The following CLCN5 variants were observed in gnomAD, a reference collection of about 807,000 sequenced individuals.
The protein encoded by CLCN5 is Cl-/H+ antiporter 5.
CLCN5 carries 17 observed loss-of-function variants against 54.0 expected under a neutral mutation model. The observed-to-expected ratio is 0.31, with a 90% CI of 0.22 to 0.47. The LOEUF is 0.47. CLCN5 is among the 20% of genes least tolerant of loss of function. The pLI, the probability that CLCN5 is intolerant of heterozygous loss-of-function variation, is 1.00. For missense variants in CLCN5, 448 were observed against 646.7 expected (o/e 0.69, Z 3.33); for synonymous variants, 222 against 233.0 (o/e 0.95, Z 0.43).
At chrX:50,080,420 G>A (rs1182486285) in intron 7 of CLCN5, among the ~76,000 whole-genome samples, 174 bp from the exon 8 acceptor site, 1 of 108,528 alleles carries the variant, frequency 9.2e-6, no homozygotes, top group Non-Finnish European at 1.9e-5. Context: ...GTACTAAGTG[G>A]CCTGACAGTG....
Position 50,069,784 on chromosome X carries a change from G to A in CLCN5, c.164-95G>A, listed in dbSNP as rs1389208729. ...TTATCAACCCCAACTGTAGTCATCT[G>A]ATAGTTTAAGGGCCCGCCTTTTGGA... On this transcript the variant is annotated intron_variant, in intron 4 of 14. Transcript: ENST00000376091. 1.8e-5 allele frequency: 20 copies of A among 1,092,953 alleles called. No individual in the cohort carries two copies. The African/African-American group carries it at 3.8e-4, about 21-fold the overall frequency. The allele number at this position is 1,092,953 out of a possible 1,213,427, so 90.1% of individuals were successfully genotyped here. A position where few individuals can be genotyped will look rare whatever the true frequency, so the allele number is the denominator to read the frequency against.
Position 50,098,324 on chromosome X carries a change from G to A in CLCN5, c.*6105G>A, listed in dbSNP as rs921760563. 11 of 112,500 alleles carry A rather than the reference G, an allele frequency of 9.8e-5. No homozygotes were observed. The highest frequency in any genetic ancestry group is 3.2e-4 in the African/African-American group (10 of 30,879). 9.3% of individuals were successfully genotyped at this position (112,500 alleles called of 1,213,427 possible). A position where few individuals can be genotyped will look rare whatever the true frequency, so the allele number is the denominator to read the frequency against. On this transcript the variant is annotated 3_prime_UTR_variant, in exon 15 of 15. Transcript: ENST00000376091. Reference sequence around the variant, plus strand: ...GCTCACGTCAGCTAAGGGGGACAGTGATGTCATGTGGGTGACTCTTCTTCA... The same window carrying A: ...GCTCACGTCAGCTAAGGGGGACAGTAATGTCATGTGGGTGACTCTTCTTCA...
rs185508702 is a variant in CLCN5 at position 49,939,805 on chromosome X, C to T, written c.16+14491C>T. ...AAAAAAAAGTTGCCCGGTAGTCTAA[C>T]TTTGTCATTTATTCCTTTGTGCTTT... On this transcript the variant is annotated intron_variant, in intron 3 of 14. Transcript: ENST00000376091. Among the ~76,000 whole-genome samples the T allele has an allele frequency of 3.5e-3, 392 of 111,715 alleles. 2 individuals are homozygous for T. Among genetic ancestry groups the T allele is most frequent in the Non-Finnish European group, 5.6e-3 (298 of 53,039 alleles).
At chrX:50,001,512 A>C (rs1008617626) in intron 3 of CLCN5, among the ~76,000 whole-genome samples, 11 of 109,292 alleles carry the variant, frequency 1.0e-4, no homozygotes, top group African/African-American at 3.0e-4. Context: ...CATGTGCACA[A>C]CATGCAGGTT....
At chrX:50,087,301 C>T (rs1279153375) in intron 11 of CLCN5, among the ~76,000 whole-genome samples, 2 of 111,482 alleles carry the variant, frequency 1.8e-5, no homozygotes, top group Non-Finnish European at 3.8e-5. Context: ...TGCTGGGATT[C>T]GACCATTTTG....
At chrX:50,081,281 G>C (rs1321783306) in intron 8 of CLCN5, among the ~76,000 whole-genome samples, 18 of 109,697 alleles carry the variant, frequency 1.6e-4, no homozygotes, top group African/African-American at 5.0e-4. Flanking sequence ...GGTTGTTTCA[G>C]GGACATTAGC....
At chrX:50,078,108 A>T (rs1395700345) in intron 7 of CLCN5, among the ~76,000 whole-genome samples, 9 of 109,878 alleles carry the variant, frequency 8.2e-5, no homozygotes, top group Non-Finnish European at 1.5e-4. Flanking sequence ...TGGGAGGCTG[A>T]GGAGGGAGGA....
intron 3 of CLCN5, among the ~76,000 whole-genome samples, chrX:49,977,990 A>G (rs1186510452): frequency 8.9e-6 from 1 of 112,185 alleles, no homozygotes; most frequent in East Asian, 2.8e-4. Context: ...GCCTGCGTTC[A>G]GATTTTATCT....
chrX:49,949,556 A>G (rs1205828262), intron 3 of CLCN5, among the ~76,000 whole-genome samples: 2 of 111,952 alleles, frequency 1.8e-5, no homozygotes, highest in African/African-American at 3.2e-5. Flanking sequence ...TTATTTGACT[A>G]TTAAAGTAAA....
At chrX:50,081,945 A>G in intron 9 of CLCN5, 98 bp downstream of exon 9, 1 of 770,209 alleles carries the variant, frequency 1.3e-6, no homozygotes, top group Admixed American at 2.6e-5. Flanking sequence ...ATGTTAATGC[A>G]AACACCCTTT....
In CLCN5 at chrX:50,081,883, T is replaced by A. The variant is rs781806819; in HGVS notation, c.933+36T>A. The A allele has an allele frequency of 2.8e-5, 31 of 1,122,850 alleles. No homozygotes were observed. The South Asian group carries it at 5.7e-4, about 21-fold the overall frequency. The allele number at this position is 1,122,850 out of a possible 1,213,427, so 92.5% of individuals were successfully genotyped here. ...ATGGCCTTAATAGTCTCTTTTTGGT[T>A]GTGAGCATAAATGATACAATCTTAG... On this transcript the variant is annotated intron_variant, in intron 9 of 14. Coordinates refer to ENST00000376091, the MANE Select transcript of CLCN5 (RefSeq NM_001127898.4).
intron 3 of CLCN5, among the ~76,000 whole-genome samples, chrX:49,962,548 T>C (rs1463438397): frequency 8.9e-6 from 1 of 111,759 alleles, no homozygotes; most frequent in East Asian, 2.8e-4. Flanking sequence ...CTGCATTTCT[T>C]AGGCCTTCCT....
rs781810998 is a variant in CLCN5, at chrX:50,002,344, A to G, written c.17-39972A>G. 3.6e-5 allele frequency among the ~76,000 whole-genome samples: 4 copies of G among 109,779 alleles called. No individual in the cohort carries two copies. In the East Asian group the frequency reaches 1.1e-3, roughly 31 times the overall value. ...TTTCCTCCCCCTCTCAAAAAGCCCT[A>G]CTCCTCCCTCTGTGTTCTCCAACTC... is the stretch of plus-strand genomic sequence containing the variant. On this transcript the variant is annotated intron_variant, in intron 3 of 14. Transcript: ENST00000376091.
At chrX:50,055,409 A>G (rs1227037529) in intron 4 of CLCN5, among the ~76,000 whole-genome samples, 2 of 111,790 alleles carry the variant, frequency 1.8e-5, no homozygotes, top group South Asian at 7.6e-4. Context: ...TGGAATCCAC[A>G]TCTTCTCACT....
chrX:49,952,096 G>T (rs1176469365), intron 3 of CLCN5, among the ~76,000 whole-genome samples: 1 of 112,109 alleles, frequency 8.9e-6, no homozygotes, highest in Non-Finnish European at 1.9e-5. Context: ...GCCCCATCTT[G>T]AAATTTAGAT....
intron 3 of CLCN5, among the ~76,000 whole-genome samples, chrX:49,989,690 T>A (rs1167005226): frequency 8.9e-6 from 1 of 112,109 alleles, no homozygotes; most frequent in Non-Finnish European, 1.9e-5. Flanking sequence ...GTTTAGTGCC[T>A]TTCATAGTCA....
intron 3 of CLCN5, among the ~76,000 whole-genome samples, chrX:49,940,008 G>A (rs1164975149): frequency 2.7e-5 from 3 of 111,473 alleles, no homozygotes; most frequent in Non-Finnish European, 5.6e-5. Flanking sequence ...TCTGCCCAAA[G>A]CCCTTCAATT....
intron 4 of CLCN5, among the ~76,000 whole-genome samples, chrX:50,062,050 A>G (rs1932862940): frequency 9.5e-6 from 1 of 105,581 alleles, no homozygotes; most frequent in Non-Finnish European, 1.9e-5. Flanking sequence ...CTGCTGCAAA[A>G]TCATGCCAAA....
At chrX:49,938,930 A>G (rs2147267261) in intron 3 of CLCN5, among the ~76,000 whole-genome samples, 1 of 102,181 alleles carries the variant, frequency 9.8e-6, no homozygotes, top group Admixed American at 1.1e-4. Context: ...CAATGAACTC[A>G]AACAAATTTA....
Sources: allele counts gnomAD v4.1 joint callset (sites outside exome capture counted in the v4.1 genomes callset), GRCh38; gene constraint gnomAD v4.1.1; transcripts MANE v1.5; gene names NCBI Gene and HGNC (gene_info 2026-07-23, HGNC 2026-07-21).